The following TENM2 variants were observed in gnomAD, a reference collection of about 807,000 sequenced individuals.
TENM2 encodes teneurin transmembrane protein 2, also known as teneurin-2.
In TENM2, 52 loss-of-function variants were observed where a neutral mutation model predicts 245.2. The ratio of observed to expected loss-of-function variants is 0.21; its 90% CI spans 0.17 to 0.27. The LOEUF (loss-of-function observed/expected upper bound fraction) is 0.27. Among genes scored for constraint, TENM2 ranks in the 10% least tolerant of loss-of-function variants. The pLI is 1.00. For synonymous variants in TENM2, 1,363 were observed against 1,438.9 expected (o/e 0.95, Z 1.19); for missense variants, 3,046 against 3,666.8 (o/e 0.83, Z 4.37).
chr5:167,609,511 AAC>A lies in TENM2; in HGVS notation c.502+234040_502+234041del, dbSNP rs1170388162. Among the ~76,000 whole-genome samples, 94 of 38,914 alleles carry A rather than the reference AAC, an allele frequency of 2.4e-3. 3 individuals carry two copies. The highest frequency in any genetic ancestry group is 4.5e-3 in the African/African-American group (88 of 19,436). The allele number at this position is 38,914 out of a possible 152,430, so 25.5% of individuals were successfully genotyped here. On this transcript the variant is annotated intron_variant, in intron 2 of 28. Transcript: ENST00000518659. Reference sequence around the variant, plus strand: ...TGCAAAAAAAAAAAAAAAAAAAAAAAACAAAACCTTACCTAGAAGGTTTTTTA... The same window carrying A: ...TGCAAAAAAAAAAAAAAAAAAAAAAAAAAACCTTACCTAGAAGGTTTTTTA...
the TENM2 span, among the ~76,000 whole-genome samples, chr5:167,131,637 TAAATAAA>T: frequency 6.6e-6 from 1 of 152,054 alleles, no homozygotes; most frequent in African/African-American, 2.4e-5. Flanking sequence ...AACCAATAGA[TAAATAAA>T]AAGAAGGTGA....
At chr5:167,225,375 C>T in the TENM2 span, among the ~76,000 whole-genome samples, 2 of 151,916 alleles carry the variant, frequency 1.3e-5, no homozygotes, top group Non-Finnish European at 2.9e-5. Context: ...TATTATGAAG[C>T]GATGTTGTGT....
chr5:167,281,865 TG>T (rs2127703684), upstream of TENM2, among the ~76,000 whole-genome samples: 1 of 152,044 alleles, frequency 6.6e-6, no homozygotes, highest in East Asian at 1.9e-4. Flanking sequence ...CCAAGTGTGG[TG>T]GTGGGTACCT....
intron 3 of TENM2, among the ~76,000 whole-genome samples, chr5:167,895,647 G>C (rs1248067853): frequency 1.3e-5 from 2 of 152,180 alleles, no homozygotes; most frequent in African/African-American, 4.8e-5. Context: ...CCCTATGCCA[G>C]ATTTATTTAA....
intron 2 of TENM2, among the ~76,000 whole-genome samples, chr5:167,870,688 C>A (rs1171152414): frequency 6.9e-6 from 1 of 144,540 alleles, no homozygotes; most frequent in Non-Finnish European, 1.5e-5. Context: ...TAGCTCAGTT[C>A]TTGAAATAAA....
At position 167,663,430 on chromosome 5, in the gene TENM2, A is replaced by G. The variant is rs187922187; in HGVS notation, c.503-212556A>G. Among the ~76,000 whole-genome samples the G allele has an allele frequency of 1.6e-4, 25 of 152,230 alleles. No individual in the cohort carries two copies. In the East Asian group the frequency reaches 4.6e-3, roughly 28 times the overall value. Reference sequence around the variant, plus strand: ...AAGAGTGTCTTTAATTTTTGTTGCTATCTGTTGAGAATAAACTCTTTTTCT... The same window carrying G: ...AAGAGTGTCTTTAATTTTTGTTGCTGTCTGTTGAGAATAAACTCTTTTTCT... On this transcript the variant is annotated intron_variant, in intron 2 of 28. Coordinates refer to ENST00000518659, the Ensembl canonical transcript of TENM2.
chr5:167,390,639 A>C (rs12654350), intron 2 of TENM2, among the ~76,000 whole-genome samples: 38,646 of 152,048 alleles, frequency 0.25, 5,061 homozygotes, highest in African/African-American at 0.32. Context: ...TATAATAAGC[A>C]TATGGCTCTG....
chr5:167,892,305 G>A (rs2151467778), intron 3 of TENM2, among the ~76,000 whole-genome samples: 1 of 152,304 alleles, frequency 6.6e-6, no homozygotes, highest in African/African-American at 2.4e-5. Flanking sequence ...GAAGATATGT[G>A]CCCAACTCAT....
intron 2 of TENM2, among the ~76,000 whole-genome samples, chr5:167,635,591 A>G (rs1397660743): frequency 6.8e-6 from 1 of 147,598 alleles, no homozygotes; most frequent in Non-Finnish European, 1.5e-5. Flanking sequence ...ATATCATCCT[A>G]ATTTCCCTAA....
At chr5:167,189,363 A>C in the TENM2 span, among the ~76,000 whole-genome samples, 1 of 152,216 alleles carries the variant, frequency 6.6e-6, no homozygotes, top group Non-Finnish European at 1.5e-5. Context: ...ATTTAGAGGT[A>C]CAATTTATTA....
At chr5:168,162,157 C>T (rs1757800633) in intron 12 of TENM2, among the ~76,000 whole-genome samples, 1 of 152,172 alleles carries the variant, frequency 6.6e-6, no homozygotes, top group Non-Finnish European at 1.5e-5. Flanking sequence ...CTTTAAAACT[C>T]TGAAAGATGG....
the TENM2 span, among the ~76,000 whole-genome samples, chr5:167,158,101 A>C: frequency 6.6e-6 from 1 of 152,184 alleles, no homozygotes; most frequent in Admixed American, 6.5e-5. Context: ...TTGACAAGTA[A>C]AATTATTATT....
chr5:167,142,741 G>A, the TENM2 span, among the ~76,000 whole-genome samples: 57 of 152,136 alleles, frequency 3.7e-4, no homozygotes, highest in African/African-American at 1.3e-3. Context: ...TAGTAGAGAC[G>A]GGGTTTCACC....
the TENM2 span, among the ~76,000 whole-genome samples, chr5:167,037,997 C>T: frequency 6.6e-6 from 1 of 152,202 alleles, no homozygotes; most frequent in Non-Finnish European, 1.5e-5. Flanking sequence ...TGTGCTTTCT[C>T]TGCCCACTTT....
intron 2 of TENM2, among the ~76,000 whole-genome samples, chr5:167,711,576 T>C (rs1357303614): frequency 1.3e-5 from 2 of 152,148 alleles, no homozygotes; most frequent in African/African-American, 4.8e-5. Context: ...GCCAATCACA[T>C]CCCTTACATC....
chr5:167,275,250 A>G, the TENM2 span, among the ~76,000 whole-genome samples: 1 of 152,136 alleles, frequency 6.6e-6, no homozygotes, highest in Non-Finnish European at 1.5e-5. Flanking sequence ...AACACCACAC[A>G]GTATTGATTC....
chr5:167,543,421 C>T (rs1021552438), intron 2 of TENM2, among the ~76,000 whole-genome samples: 4 of 152,090 alleles, frequency 2.6e-5, no homozygotes, highest in Admixed American at 6.5e-5. Context: ...GCCAAGGTGC[C>T]TGGATATAGG....
chr5:168,128,453 C>G lies in TENM2; in HGVS notation c.2422+1487C>G, dbSNP rs183755874. Among the ~76,000 whole-genome samples, 5 of 152,346 alleles carry G rather than the reference C, an allele frequency of 3.3e-5. No homozygotes were observed. The East Asian group carries it at 9.6e-4, about 29-fold the overall frequency. The stretch of plus-strand genomic sequence containing the variant: ...TTGCCCCAAATCCTCCCCTCAAAAG[C>G]TCTTGCCAATCATCAGCGTTGAGGT... On this transcript the variant is annotated intron_variant, in intron 12 of 28. Transcript: ENST00000518659.
chr5:167,988,302 T>G (rs116309125), intron 4 of TENM2, among the ~76,000 whole-genome samples: 1 of 152,196 alleles, frequency 6.6e-6, no homozygotes, highest in Non-Finnish European at 1.5e-5. Flanking sequence ...ATTTGTTGAG[T>G]TCCCCCACTG....
Sources: allele counts gnomAD v4.1 joint callset (sites outside exome capture counted in the v4.1 genomes callset), GRCh38; gene constraint gnomAD v4.1.1; transcripts MANE v1.5; gene names NCBI Gene and HGNC (gene_info 2026-07-23, HGNC 2026-07-21).